Variants in ZNF519 observed in about 807,000 individuals in gnomAD.
The protein encoded by ZNF519 is zinc finger protein 519, also known as similar to Zinc finger protein 85 (Zinc finger protein HPF4) (HTF1).
In ZNF519, 7 loss-of-function variants were observed where a neutral mutation model predicts 7.4. That is an observed-to-expected ratio of 0.94 (90% CI 0.54 to 1.77). ZNF519 has a LOEUF of 1.77. ZNF519 is among the 40% of genes most tolerant of loss of function. The probability of loss-of-function intolerance (pLI) is 0.00; values close to 1 mark genes in which losing one functional copy is unlikely to be tolerated. For synonymous variants in ZNF519, 179 were observed against 203.3 expected (o/e 0.88, Z 1.02); for missense variants, 586 against 623.1 (o/e 0.94, Z 0.63).
rs141716772 is a variant in ZNF519, at chr18:14,104,530, A to G, written c.*387T>C. The G allele has an allele frequency of 6.2e-6, 1 of 160,820 alleles. No homozygotes were observed. Among genetic ancestry groups the G allele is most frequent in the Non-Finnish European group, 1.4e-5 (1 of 73,734 alleles). The allele number at this position is 160,820 out of a possible 1,614,324, so 10.0% of individuals were successfully genotyped here. The stretch of plus-strand genomic sequence containing the variant: ...GTCAGAGACAGCAATAATCAACCAC[A>G]GTGGGGAAAAAAAAGGTTAATTTGA... On this transcript the variant is annotated 3_prime_UTR_variant, in exon 3 of 3. Transcript: ENST00000590202.
chr18:14,095,649 G>T (rs2046133271), downstream of ZNF519, among the ~76,000 whole-genome samples: 1 of 152,244 alleles, frequency 6.6e-6, no homozygotes, highest in Non-Finnish European at 1.5e-5. Context: ...AGTTCCAGCA[G>T]CTCTATCTGT....
At chr18:14,091,712 G>A (rs1015674458) in intron 2 of ZNF519, among the ~76,000 whole-genome samples, 2 of 152,140 alleles carry the variant, frequency 1.3e-5, no homozygotes, top group African/African-American at 2.4e-5. Context: ...TAAGTTTTAC[G>A]GAGAAGAATG....
chr18:14,131,993 C>T (rs928361884), intron 1 of ZNF519, among the ~76,000 whole-genome samples: 1 of 152,284 alleles, frequency 6.6e-6, no homozygotes, highest in African/African-American at 2.4e-5. Context: ...ACGCAGGAAC[C>T]CTGCACACCG....
chr18:14,083,656 C>A (rs1360558154), intron 3 of ZNF519, among the ~76,000 whole-genome samples: 1 of 152,102 alleles, frequency 6.6e-6, no homozygotes, highest in African/African-American at 2.4e-5. Flanking sequence ...ACACTTGTAA[C>A]CCCAGCACTT....
chr18:14,098,093 C>T (rs2046144798), downstream of ZNF519, among the ~76,000 whole-genome samples: 1 of 152,062 alleles, frequency 6.6e-6, no homozygotes, highest in Non-Finnish European at 1.5e-5. Context: ...ATGGTCTCCA[C>T]ACTGTCCTCT....
downstream of ZNF519, among the ~76,000 whole-genome samples, chr18:14,094,953 T>G (rs1212049484): frequency 6.6e-6 from 1 of 152,228 alleles, no homozygotes; most frequent in East Asian, 1.9e-4. Context: ...TGATCTGTGT[T>G]TTTTGAAGTT....
At chr18:14,111,116 T>C (rs1380308463) in intron 2 of ZNF519, among the ~76,000 whole-genome samples, 1 of 130,504 alleles carries the variant, frequency 7.7e-6, no homozygotes, top group Non-Finnish European at 1.6e-5. Flanking sequence ...CAGAAATAAA[T>C]GAATTTGAAA....
rs1222666049 is a variant in ZNF519 at position 14,129,565 on chromosome 18, C to T, written c.3+2710G>A. On this transcript the variant is annotated intron_variant, in intron 1 of 2. Transcript: ENST00000590202. ...ACAAAGCCTCACTTCCCTCAGACAC[C>T]TGGAGTCTCCTTATAGACCAGGCCC... Among the ~76,000 whole-genome samples the T allele has an allele frequency of 1.2e-4, 19 of 152,214 alleles. 2 individuals are homozygous for T. Among genetic ancestry groups the T allele is most frequent in the African/African-American group, 4.3e-4 (18 of 41,522 alleles).
At chr18:14,114,293 C>A (rs2046235956) in intron 2 of ZNF519, among the ~76,000 whole-genome samples, 1 of 152,082 alleles carries the variant, frequency 6.6e-6, no homozygotes, top group South Asian at 2.1e-4. Flanking sequence ...AGTCTCTAAT[C>A]CATTTTGATT....
rs970915816 is a variant in ZNF519, at chr18:14,105,712, C to T, written c.828G>A (p.Arg276=). 6.2e-7 allele frequency: 1 copy of T among 1,613,746 alleles called. No individual in the cohort carries two copies. The highest frequency in any genetic ancestry group is 8.5e-7 in the Non-Finnish European group (1 of 1,179,932). ...TTTTCTGATGTCCAAGATGTAAGCCCCTGGTAAAAGCTTTGCCACGTTCTT... is the reference window on the plus strand; with the variant it reads ...TTTTCTGATGTCCAAGATGTAAGCCTCTGGTAAAAGCTTTGCCACGTTCTT... ...KYKERGKAFT[R]GLHLGHQKIH... is the part of the protein sequence containing the mutation. The change falls in exon 3 of 3, where the codon AGG becomes AGA. Residue 276 remains arginine, a synonymous_variant. Transcript: ENST00000590202.
intron 1 of ZNF519, among the ~76,000 whole-genome samples, chr18:14,129,116 G>C (rs2046316958): frequency 6.6e-6 from 1 of 152,198 alleles, no homozygotes; most frequent in Non-Finnish European, 1.5e-5. Flanking sequence ...TACAGGCTCA[G>C]GCAGCGCTAT....
At chr18:14,111,037 G>GA (rs1248297442) in intron 2 of ZNF519, among the ~76,000 whole-genome samples, 11 of 151,488 alleles carry the variant, frequency 7.3e-5, no homozygotes, top group Admixed American at 1.3e-4. Context: ...CAAAACCATT[G>GA]AAAAAACCTA....
chr18:14,076,223 GTTTTTAAA>G (rs1018921491), exon 5 of ZNF519: 1 of 151,820 alleles, frequency 6.6e-6, no homozygotes, highest in African/African-American at 2.4e-5. Context: ...ATTTTGTCAG[GTTTTTAAA>G]AATGGTTGTA....
In ZNF519 at chr18:14,104,921, C is replaced by A. The variant is rs1471480298; in HGVS notation, c.1619G>T (p.Arg540Met). Residue 540 changes from arginine to methionine, a missense_variant, in exon 3 of 3, where the codon AGG (arginine) becomes ATG (methionine). Physicochemically the swap from Arg to Met is moderately conservative, Grantham distance 91. Transcript: ENST00000590202. ...TLTQHQIIHTR is the reference protein window; with the variant it reads ...TLTQHQIIHTM ...TTCTTTACACTTGCAGGGTTTCTAC[C>A]TGGTATGAATTATTTGATGTTGAGT... 6.5e-7 allele frequency: 1 copy of A among 1,538,884 alleles called. No individual in the cohort carries two copies. The highest frequency in any genetic ancestry group is 2.3e-5 in the East Asian group (1 of 44,390).
rs1164547989 is a variant in ZNF519 at position 14,099,973 on chromosome 18, A to G, written c.*4944T>C. The G allele has an allele frequency of 6.6e-6, 1 of 152,228 alleles. No individual in the cohort carries two copies. The highest frequency in any genetic ancestry group is 1.5e-5 in the Non-Finnish European group (1 of 68,038). The allele number at this position is 152,228 out of a possible 1,614,324, so 9.4% of individuals were successfully genotyped here. A position where few individuals can be genotyped will look rare whatever the true frequency, so the allele number is the denominator to read the frequency against. On this transcript the variant is annotated 3_prime_UTR_variant, in exon 3 of 3. Coordinates refer to ENST00000590202, the MANE Select transcript of ZNF519 (RefSeq NM_145287.4). ...TGGAAAAAAAACTTATTTATTGCCT[A>G]TGTGAGCTAGTAACCAGAATATAAA...
intron 2 of ZNF519, among the ~76,000 whole-genome samples, chr18:14,089,284 G>A (rs1386429144): frequency 6.6e-6 from 1 of 152,174 alleles, no homozygotes; most frequent in East Asian, 1.9e-4. Flanking sequence ...TAACTTGTAT[G>A]AGTCACCAAA....
chr18:14,076,761 T>G (rs2046049395), exon 5 of ZNF519: 1 of 152,122 alleles, frequency 6.6e-6, no homozygotes, highest in Non-Finnish European at 1.5e-5. Context: ...TTCAGAAAAC[T>G]GCCGAAGATC....
intron 1 of ZNF519, among the ~76,000 whole-genome samples, chr18:14,131,953 C>T (rs1417791481): frequency 6.6e-6 from 1 of 152,220 alleles, no homozygotes; most frequent in African/African-American, 2.4e-5. Flanking sequence ...AAGGTAGGGA[C>T]GGGGGACCCC....
intron 2 of ZNF519, among the ~76,000 whole-genome samples, chr18:14,116,337 A>G (rs2046245844): frequency 6.6e-6 from 1 of 152,204 alleles, no homozygotes; most frequent in East Asian, 1.9e-4. Flanking sequence ...TTTACACAGA[A>G]TTTCAAAGGA....
Sources: gnomAD v4.1 joint callset for allele counts (sites outside exome capture counted in the v4.1 genomes callset) on GRCh38, gnomAD v4.1.1 for gene constraint, MANE v1.5 for transcripts, NCBI Gene and HGNC (gene_info 2026-07-23, HGNC 2026-07-21) for gene names.